Variants in CCDC18 observed in about 807,000 individuals in gnomAD.
The protein encoded by CCDC18 is coiled-coil domain-containing protein 18.
CCDC18 carries 157 observed loss-of-function variants against 196.0 expected under a neutral mutation model. The ratio of observed to expected loss-of-function variants is 0.80; its 90% CI spans 0.70 to 0.91. CCDC18 has a LOEUF of 0.91. CCDC18 is among the 40% of genes least tolerant of loss of function. The pLI is 0.00. For missense variants in CCDC18, 1,465 were observed against 1,611.6 expected (o/e 0.91, Z 1.56); for synonymous variants, 482 against 529.2 (o/e 0.91, Z 1.22).
intron 6 of CCDC18, among the ~76,000 whole-genome samples, chr1:93,197,814 C>T (rs995348929): frequency 5.2e-5 from 7 of 134,144 alleles, no homozygotes; most frequent in East Asian, 4.6e-4. Flanking sequence ...TGCAGTGGCG[C>T]GATCTCGGCT....
chr1:93,210,748 A>G, intron 9 of CCDC18, 54 bp from the exon 10 acceptor site: 5 of 1,392,444 alleles, frequency 3.6e-6, no homozygotes, highest in Non-Finnish European at 4.9e-6. Context: ...TGAATAAAAA[A>G]GCAAATGCAT....
intron 9 of CCDC18, among the ~76,000 whole-genome samples, chr1:93,210,067 A>G (rs1233827254): frequency 1.3e-5 from 2 of 152,156 alleles, no homozygotes; most frequent in Non-Finnish European, 2.9e-5. Context: ...TCAAAAAAGA[A>G]TCATTTGAGA....
intron 18 of CCDC18, among the ~76,000 whole-genome samples, chr1:93,234,982 T>G (rs1659867615): frequency 1.4e-5 from 2 of 145,496 alleles, no homozygotes; most frequent in African/African-American, 5.1e-5. Flanking sequence ...TGGCTTTTCT[T>G]TTTTTTTCTT....
At position 93,243,043 on chromosome 1, in the gene CCDC18, G is replaced by A. The variant is rs934997024; in HGVS notation, c.2982-3062G>A. 2.1e-4 allele frequency among the ~76,000 whole-genome samples: 32 copies of A among 152,284 alleles called. 1 individual carries two copies. The highest frequency in any genetic ancestry group is 6.8e-3 in the Middle Eastern group (2 of 294). ...CATCTGTTATTCTGGGGTTCTGGAGGATGGTGGCCCTCCCTCTTCTCACAG... is the reference window on the plus strand; with the variant it reads ...CATCTGTTATTCTGGGGTTCTGGAGAATGGTGGCCCTCCCTCTTCTCACAG... On this transcript the variant is annotated intron_variant, in intron 21 of 28. Coordinates refer to ENST00000690025, the MANE Select transcript of CCDC18 (RefSeq NM_001378204.1).
chr1:93,207,461 A>G, intron 9 of CCDC18, 63 bp downstream of exon 9: 2 of 1,254,766 alleles, frequency 1.6e-6, no homozygotes, highest in Non-Finnish European at 1.1e-6. Flanking sequence ...AGAAAAGACT[A>G]TCATTTTGTG....
intron 17 of CCDC18, 24 bp downstream of exon 17, chr1:93,226,473 A>T: frequency 1.0e-6 from 1 of 978,336 alleles, no homozygotes. Flanking sequence ...TACTTTATAT[A>T]TAGCATATAT....
intron 6 of CCDC18, chr1:93,199,675 T>C (rs1653475247): frequency 6.6e-6 from 1 of 152,322 alleles, no homozygotes; most frequent in South Asian, 2.1e-4. Context: ...CCAGGAAGAA[T>C]GAGGTAAGCA....
chr1:93,253,381 G>A (rs748644134), intron 23 of CCDC18, among the ~76,000 whole-genome samples: 10 of 152,166 alleles, frequency 6.6e-5, no homozygotes, highest in Non-Finnish European at 1.0e-4. Flanking sequence ...AGGCTGGAGA[G>A]CCTATCTCAT....
At chr1:93,252,400 G>A (rs970045908) in intron 23 of CCDC18, among the ~76,000 whole-genome samples, 1 of 152,076 alleles carries the variant, frequency 6.6e-6, no homozygotes. Context: ...CCATTCTGCT[G>A]TTGATGCTCT....
chr1:93,230,300 A>T (rs1306774488), intron 17 of CCDC18, among the ~76,000 whole-genome samples: 1 of 151,798 alleles, frequency 6.6e-6, no homozygotes, highest in South Asian at 2.1e-4. Context: ...AGGAGATCTA[A>T]CACGGTGAAA....
chr1:93,246,838 GT>G lies in CCDC18; in HGVS notation c.3084del (p.Thr1029HisfsTer5). On this transcript the variant is annotated frameshift_variant and splice_region_variant, in exon 23 of 29. Coordinates refer to ENST00000690025, the MANE Select transcript of CCDC18 (RefSeq NM_001378204.1). LOFTEE classifies it high-confidence loss of function. ...ACAACAGTTTAAGGTTATTTTTTAG[GT>G]TACACATTTGGATATGACTATTCGT... is the stretch of plus-strand genomic sequence containing the variant. ...NWELKQRAAQ[V>X]THLDMTIREH... 1 of 1,360,380 alleles carries G rather than the reference GT, an allele frequency of 7.4e-7. No individual in the cohort carries two copies. The highest frequency in any genetic ancestry group is 1.0e-6 in the Non-Finnish European group (1 of 961,628). 84.3% of individuals were successfully genotyped at this position (1,360,380 alleles called of 1,614,324 possible).
intron 6 of CCDC18, among the ~76,000 whole-genome samples, chr1:93,199,486 G>A (rs749197621): frequency 6.6e-6 from 1 of 152,242 alleles, no homozygotes; most frequent in Non-Finnish European, 1.5e-5. Context: ...GGGTGTCACA[G>A]CCCTGGCTCG....
At chr1:93,209,662 CTGTT>C (rs900334283) in intron 9 of CCDC18, among the ~76,000 whole-genome samples, 1 of 152,162 alleles carries the variant, frequency 6.6e-6, no homozygotes. Flanking sequence ...TCCCAGGATG[CTGTT>C]TATTTGCTTG....
At chr1:93,247,653 C>A (rs1661661904) in intron 23 of CCDC18, among the ~76,000 whole-genome samples, 1 of 151,930 alleles carries the variant, frequency 6.6e-6, no homozygotes, top group South Asian at 2.1e-4. Flanking sequence ...TGGGCTCAAG[C>A]GATCTTCCCC....
At chr1:93,212,078 T>TC in intron 10 of CCDC18, 23 bp from the exon 11 acceptor site, 1 of 1,575,254 alleles carries the variant, frequency 6.3e-7, no homozygotes, top group Non-Finnish European at 8.6e-7. Context: ...TAATAATTTT[T>TC]CCCTTCTTTT....
chr1:93,217,614 T>C lies in CCDC18; in HGVS notation c.1831-124T>C, dbSNP rs141219867. The C allele has an allele frequency of 3.9e-5, 29 of 748,078 alleles. No individual in the cohort carries two copies. In the African/African-American group the frequency reaches 4.8e-4, roughly 12 times the overall value. The allele number at this position is 748,078 out of a possible 1,614,324, so 46.3% of individuals were successfully genotyped here. On this transcript the variant is annotated intron_variant, in intron 13 of 28. Transcript: ENST00000690025. The stretch of plus-strand genomic sequence containing the variant: ...ACATCTACTTAGCTAATTTTTTGTA[T>C]TTTTCATAGAGACGGGGTCTTGCCG...
intron 4 of CCDC18, among the ~76,000 whole-genome samples, chr1:93,186,763 A>AT (rs1011165828): frequency 2.7e-4 from 41 of 152,050 alleles, no homozygotes; most frequent in Middle Eastern, 3.4e-3. Flanking sequence ...GTGTGGTTTT[A>AT]TTTTTTATAC....
intron 6 of CCDC18, among the ~76,000 whole-genome samples, chr1:93,200,526 T>G (rs1653650379): frequency 6.6e-6 from 1 of 152,136 alleles, no homozygotes; most frequent in African/African-American, 2.4e-5. Context: ...AACTGTGATA[T>G]ATACTATTTG....
intron 16 of CCDC18, among the ~76,000 whole-genome samples, chr1:93,222,149 T>C (rs2102237471): frequency 6.6e-6 from 1 of 152,196 alleles, no homozygotes; most frequent in East Asian, 1.9e-4. Context: ...TTTTTCTATT[T>C]GGAGACATTC....
Sources: allele counts gnomAD v4.1 joint callset (sites outside exome capture counted in the v4.1 genomes callset), GRCh38; gene constraint gnomAD v4.1.1; transcripts MANE v1.5; gene names NCBI Gene and HGNC (gene_info 2026-07-23, HGNC 2026-07-21).